The following SYCP2L variants were observed in gnomAD, a reference collection of about 807,000 sequenced individuals.
SYCP2L encodes the protein synaptonemal complex protein 2 like, also known as synaptonemal complex protein 2-like.
Under a neutral mutation model 125.8 loss-of-function variants are expected in SYCP2L, and 98 were observed. The observed-to-expected ratio is 0.78, with a 90% CI of 0.66 to 0.92. The LOEUF (loss-of-function observed/expected upper bound fraction) is 0.92, where lower values mean the gene tolerates loss of function less well. Ranked by LOEUF, SYCP2L falls within the 40% of genes least tolerant of loss-of-function variation. The pLI is 0.00. For synonymous variants in SYCP2L, 317 were observed against 325.4 expected (o/e 0.97, Z 0.28); for missense variants, 842 against 936.4 (o/e 0.90, Z 1.32).
At chr6:10,965,234 G>A (rs1461462164) in intron 29 of SYCP2L, among the ~76,000 whole-genome samples, 1 of 152,184 alleles carries the variant, frequency 6.6e-6, no homozygotes, top group Non-Finnish European at 1.5e-5. Context: ...TAAGCAGGAG[G>A]ATAGCAGTGG....
Position 10,906,042 on chromosome 6 carries a change from T to G in SYCP2L, c.664T>G (p.Leu222Val). The change falls in exon 9 of 30, where the codon TTG becomes GTG. Residue 222 changes from leucine (L) to valine (V), a missense_variant. Coordinates refer to ENST00000283141, the MANE Select transcript of SYCP2L (RefSeq NM_001040274.3). ...CAGGAAAGACCTTGCAAGGACACTC[T>G]TGACTGTGGGTGGTAAGAAATTTTA... Reference protein sequence around the residue: ...HLMKDLARTLLTVGDYDQQVA... With the variant: ...HLMKDLARTLVTVGDYDQQVA... 1 of 1,599,808 alleles carries G rather than the reference T, an allele frequency of 6.3e-7. No individual in the cohort carries two copies. The highest frequency in any genetic ancestry group is 1.1e-5 in the South Asian group (1 of 89,682).
At chr6:10,906,999 T>C (rs1397733308) in intron 9 of SYCP2L, among the ~76,000 whole-genome samples, 2 of 152,198 alleles carry the variant, frequency 1.3e-5, no homozygotes, top group Non-Finnish European at 2.9e-5. Context: ...TAAAAATTGT[T>C]ATATGCCAAC....
chr6:10,907,892 G>GTTTTTTTTTTTTTTTTTTTTTTTTTT lies in SYCP2L; in HGVS notation c.819+226_819+227insTTTTTTTTTTTTTTTTTTTTTTTTTT, dbSNP rs551103839. 6.7e-4 allele frequency among the ~76,000 whole-genome samples: 62 copies of GTTTTTTTTTTTTTTTTTTTTTTTTTT among 91,928 alleles called. 9 individuals carry two copies. Among genetic ancestry groups the GTTTTTTTTTTTTTTTTTTTTTTTTTT allele is most frequent in the African/African-American group, 1.4e-3 (33 of 24,148 alleles). The allele number at this position is 91,928 out of a possible 152,430, so 60.3% of individuals were successfully genotyped here. On this transcript the variant is annotated intron_variant, in intron 10 of 29. Transcript: ENST00000283141. ...GAGCTAGATATAGGGATACAGATAG[G>GTTTTTTTTTTTTTTTTTTTTTTTTTT]TTTTTTTTTTTTTTTTTTGACAGAG...
chr6:10,935,009 T>C (rs764899041), intron 20 of SYCP2L, 49 bp from the exon 21 acceptor site: 3 of 1,474,820 alleles, frequency 2.0e-6, no homozygotes, highest in Non-Finnish European at 2.7e-6. Context: ...TTTTGATAAC[T>C]TGTTTTTAAT....
chr6:10,887,650 G>C (rs987335026), intron 1 of SYCP2L, among the ~76,000 whole-genome samples: 1 of 152,096 alleles, frequency 6.6e-6, no homozygotes, highest in Admixed American at 6.6e-5. Flanking sequence ...CACCTGGGGC[G>C]TGTTTCTAAC....
At chr6:10,888,438 T>A (rs1780119428) in intron 1 of SYCP2L, among the ~76,000 whole-genome samples, 1 of 152,104 alleles carries the variant, frequency 6.6e-6, no homozygotes, top group African/African-American at 2.4e-5. Context: ...TCAGAGAATC[T>A]AACGATCTTT....
chr6:10,896,603 A>C (rs1293115727), intron 4 of SYCP2L, among the ~76,000 whole-genome samples: 1 of 152,152 alleles, frequency 6.6e-6, no homozygotes, highest in Non-Finnish European at 1.5e-5. Context: ...ATTGGAGCAA[A>C]GCTTCCTTCA....
At chr6:10,907,428 C>G (rs1249367449) in intron 9 of SYCP2L, 114 bp from the exon 10 acceptor site, 7 of 894,734 alleles carry the variant, frequency 7.8e-6, no homozygotes, top group Non-Finnish European at 1.1e-5. Context: ...TTTTAAGACA[C>G]AATGCTAGGC....
chr6:10,945,451 C>G (rs544393463), intron 23 of SYCP2L, among the ~76,000 whole-genome samples: 50 of 151,900 alleles, frequency 3.3e-4, no homozygotes, highest in Non-Finnish European at 6.3e-4. Context: ...TCAATTTTTG[C>G]TCCCTATAAA....
intron 12 of SYCP2L, 126 bp downstream of exon 12, chr6:10,910,995 T>A: frequency 2.1e-6 from 2 of 967,594 alleles, no homozygotes; most frequent in Non-Finnish European, 3.3e-6. Flanking sequence ...GATGCCAACG[T>A]CTTCTAATGA....
intron 14 of SYCP2L, among the ~76,000 whole-genome samples, chr6:10,921,303 C>T (rs1485017433): frequency 1.3e-5 from 2 of 152,026 alleles, no homozygotes; most frequent in African/African-American, 2.4e-5. Flanking sequence ...AGATTGATTC[C>T]ATGTCTTTGC....
At chr6:10,907,400 C>A in intron 9 of SYCP2L, 142 bp from the exon 10 acceptor site, 1 of 589,994 alleles carries the variant, frequency 1.7e-6, no homozygotes, top group Non-Finnish European at 2.8e-6. Flanking sequence ...CTCCAGGATG[C>A]ATTTTGCTGT....
Position 10,942,487 on chromosome 6 carries a change from G to A in SYCP2L, c.1842G>A (p.Glu614=). ...TTCAAGATCCTCACTCACTGAGTGA[G>A]CTCTCTTCCTTGAAGCACTCAGAAG... ...TELQDPHSLS[E]LSSLKHSEDE... Residue 614 remains glutamate (E), a synonymous_variant, in exon 22 of 30, where the codon GAG becomes GAA. Coordinates refer to ENST00000283141, the MANE Select transcript of SYCP2L (RefSeq NM_001040274.3). 1 of 1,599,284 alleles carries A rather than the reference G, an allele frequency of 6.3e-7. No homozygotes were observed. Among genetic ancestry groups the A allele is most frequent in the Non-Finnish European group, 8.5e-7 (1 of 1,175,668 alleles).
chr6:10,896,538 A>G (rs1780262267), intron 4 of SYCP2L, among the ~76,000 whole-genome samples: 1 of 152,142 alleles, frequency 6.6e-6, no homozygotes, highest in Non-Finnish European at 1.5e-5. Flanking sequence ...GAGGGAGAAA[A>G]TACAGCCTTA....
chr6:10,906,490 C>T (rs1352958795), intron 9 of SYCP2L, among the ~76,000 whole-genome samples: 1 of 152,086 alleles, frequency 6.6e-6, no homozygotes, highest in Non-Finnish European at 1.5e-5. Context: ...AAATGCCATT[C>T]CTTTTTACCC....
At position 10,912,864 on chromosome 6, in the gene SYCP2L, AAGAAT is replaced by A. The variant is rs1191046571; in HGVS notation, c.1012-1_1015del. 1.9e-5 allele frequency: 31 copies of A among 1,613,704 alleles called. No homozygotes were observed. The highest frequency in any genetic ancestry group is 2.5e-5 in the Non-Finnish European group (30 of 1,179,926). On this transcript the variant is annotated splice_acceptor_variant and coding_sequence_variant, in exon 14 of 30. Transcript: ENST00000283141. LOFTEE classifies it high-confidence loss of function. This position sits in a 1 kb window ranked among gnomAD's most constrained non-coding sequence, Gnocchi z 4.1. ...ATGAATTTCACTTATTTATTTTCCCAAGAATACTCTATGGGACTCAGTGACACTTC... is the reference window on the plus strand; with the variant it reads ...ATGAATTTCACTTATTTATTTTCCCAACTCTATGGGACTCAGTGACACTTC...
At chr6:10,934,076 C>G (rs936436031) in intron 20 of SYCP2L, among the ~76,000 whole-genome samples, 9 of 152,134 alleles carry the variant, frequency 5.9e-5, no homozygotes, top group Non-Finnish European at 1.3e-4. Context: ...TGCTTTGACC[C>G]TAGGACTTTA....
chr6:10,913,066 G>A (rs1780636672), intron 14 of SYCP2L, 139 bp downstream of exon 14: 1 of 701,122 alleles, frequency 1.4e-6, no homozygotes, highest in Non-Finnish European at 2.3e-6. Context: ...GATAGAAGGT[G>A]CGCTGTCACA....
intron 26 of SYCP2L, among the ~76,000 whole-genome samples, chr6:10,960,736 T>C (rs990595272): frequency 6.6e-6 from 1 of 150,468 alleles, no homozygotes; most frequent in East Asian, 1.9e-4. Context: ...ATCTGTCCTT[T>C]TGTTCTCTAC....
Sources: gnomAD v4.1 joint callset for allele counts (sites outside exome capture counted in the v4.1 genomes callset) on GRCh38, gnomAD v4.1.1 for gene constraint, Gnocchi (gnomAD v3.1) non-coding constraint, MANE v1.5 for transcripts, NCBI Gene and HGNC (gene_info 2026-07-23, HGNC 2026-07-21) for gene names.